MDN1: variants seen among roughly 807,000 people sequenced by gnomAD.
MDN1 encodes the protein midasin AAA ATPase 1, also known as midasin.
A neutral mutation model predicts 669.2 loss-of-function variants in MDN1; 266 were observed. That is an observed-to-expected ratio of 0.40 (90% CI 0.36 to 0.44). MDN1 has a LOEUF of 0.44. Ranked by LOEUF, MDN1 falls within the 20% of genes least tolerant of loss-of-function variation. The pLI is 1.00. For synonymous variants in MDN1, 2,385 were observed against 2,457.1 expected (o/e 0.97, Z 0.87); for missense variants, 5,940 against 6,754.0 (o/e 0.88, Z 4.22).
chr6:89,742,753 G>C (rs1445879872), intron 31 of MDN1, among the ~76,000 whole-genome samples: 4 of 152,130 alleles, frequency 2.6e-5, no homozygotes, highest in African/African-American at 9.7e-5. Flanking sequence ...AAAATATTAA[G>C]AGAGTAGGGA....
chr6:89,798,627 T>C (rs1259993453), intron 2 of MDN1, among the ~76,000 whole-genome samples: 1 of 152,150 alleles, frequency 6.6e-6, no homozygotes, highest in Non-Finnish European at 1.5e-5. Context: ...TAGCGCAAGC[T>C]AAAAATAAAC....
At chr6:89,661,070 T>A (rs561111100) in intron 88 of MDN1, among the ~76,000 whole-genome samples, 2 of 152,196 alleles carry the variant, frequency 1.3e-5, no homozygotes, top group Non-Finnish European at 2.9e-5. Context: ...ATAACTGGAC[T>A]CCACGACAGC....
intron 26 of MDN1, among the ~76,000 whole-genome samples, chr6:89,747,755 G>A (rs1816723271): frequency 1.3e-5 from 2 of 151,316 alleles, no homozygotes; most frequent in Admixed American, 1.3e-4. Flanking sequence ...GCCGGGCGTG[G>A]TGGCGGGTGC....
chr6:89,737,193 C>T (rs1049877082), intron 33 of MDN1, among the ~76,000 whole-genome samples: 2 of 152,034 alleles, frequency 1.3e-5, no homozygotes, highest in Non-Finnish European at 2.9e-5. Flanking sequence ...GGCAGTTCAC[C>T]GTGGGCCATT....
rs549016180 is a variant in MDN1, at chr6:89,653,066, T to C, written c.15751A>G (p.Asn5251Asp). 7 of 1,614,168 alleles carry C rather than the reference T, an allele frequency of 4.3e-6. No homozygotes were observed. Among genetic ancestry groups the C allele is most frequent in the Middle Eastern group, 1.6e-4 (1 of 6,062 alleles). Residue 5251 changes from asparagine (N) to aspartate (D), a missense_variant, in exon 94 of 102, where the codon AAT (asparagine) becomes GAT (aspartate). Asn to Asp is a conservative substitution (Grantham distance 23). This residue lies in a region of MDN1 where 2,280 missense variants were observed against 2,576.3 expected (regional missense o/e 0.88). Transcript: ENST00000369393. ...RTDKAHKETENEKPERSREST... is the reference protein window; with the variant it reads ...RTDKAHKETEDEKPERSREST... ...TCTCGGCTTCTTTCTGGTTTCTCAT[T>C]TTCTGTCTCCTTATGGGCTTTGTCT...
At chr6:89,743,341 C>G (rs1470138972) in intron 30 of MDN1, 61 bp from the exon 31 acceptor site, 1 of 1,596,270 alleles carries the variant, frequency 6.3e-7, no homozygotes, top group African/African-American at 1.3e-5. Flanking sequence ...AATATACATG[C>G]AGCTGGCTGG....
rs769943648 is a variant in MDN1, at chr6:89,672,599, C to A, written c.13578G>T (p.Lys4526Asn). 3 of 1,613,988 alleles carry A rather than the reference C, an allele frequency of 1.9e-6. No individual in the cohort carries two copies. The highest frequency in any genetic ancestry group is 2.5e-6 in the Non-Finnish European group (3 of 1,179,980). ...LCAIQNLEERKNEKAEENTDQ... is the reference protein window; with the variant it reads ...LCAIQNLEERNNEKAEENTDQ... ...CAGTGTTCTCCTCTGCTTTTTCATT[C>A]TTTCTTTCTTCTAAGTTCTGGATGG... The change falls in exon 81 of 102, where the codon AAG becomes AAT. Residue 4526 changes from lysine to asparagine, a missense_variant. Transcript: ENST00000369393.
chr6:89,690,682 C>G lies in MDN1; in HGVS notation c.10740G>C (p.Leu3580=), dbSNP rs757559222. Residue 3580 remains leucine (L), a synonymous_variant, in exon 64 of 102, where the codon CTG becomes CTC. Transcript: ENST00000369393. ...GCCATCACTGCTCTACCTTTTCATG[C>G]AGGGGGAACTGTTTTCTGAACTCCC... ...EEREFRKQFP[L]HEKDFADILV... The G allele has an allele frequency of 9.3e-6, 15 of 1,613,862 alleles. No homozygotes were observed. Among genetic ancestry groups the G allele is most frequent in the Non-Finnish European group, 1.2e-5 (14 of 1,179,970 alleles).
chr6:89,670,997 G>T lies in MDN1; in HGVS notation c.13878C>A (p.Thr4626=). 6 of 1,614,126 alleles carry T rather than the reference G, an allele frequency of 3.7e-6. No homozygotes were observed. The highest frequency in any genetic ancestry group is 5.1e-6 in the Non-Finnish European group (6 of 1,180,026). The change falls in exon 83 of 102, where the codon ACC becomes ACA. Residue 4626 remains threonine (T), a synonymous_variant. Coordinates refer to ENST00000369393, the MANE Select transcript of MDN1 (RefSeq NM_014611.3). The stretch of plus-strand genomic sequence containing the variant: ...TACTACGGTGAGTTGCTAAAGACAT[G>T]GTCAGGAAGAAGAGGACGAGGTCTG... ...SYSDLVLFFL[T]MSLATHRSTA... is the part of the protein sequence containing the mutation.
rs750140288 is a variant in MDN1, at chr6:89,803,453, G to A, written c.204C>T (p.Leu68=). ...CATTCCTTTCCAGCAAATCCAAAAGGAGAGGGCGAAGCTGGCGACCAACCA... is the reference window on the plus strand; with the variant it reads ...CATTCCTTTCCAGCAAATCCAAAAGAAGAGGGCGAAGCTGGCGACCAACCA... ...TVLVGRQLRP[L]LLDLLERNAE... The change falls in exon 2 of 102, where the codon CTC becomes CTT. Residue 68 remains leucine (L), a synonymous_variant. Coordinates refer to ENST00000369393, the MANE Select transcript of MDN1 (RefSeq NM_014611.3). 1 of 1,614,140 alleles carries A rather than the reference G, an allele frequency of 6.2e-7. No individual in the cohort carries two copies. The highest frequency in any genetic ancestry group is 8.5e-7 in the Non-Finnish European group (1 of 1,180,034).
At position 89,680,804 on chromosome 6, in the gene MDN1, C is replaced by G. The variant is rs1212088487; in HGVS notation, c.12103-53G>C. The G allele has an allele frequency of 3.2e-6, 5 of 1,572,102 alleles. No individual in the cohort carries two copies. In the African/African-American group the frequency reaches 5.4e-5, roughly 17 times the overall value. On this transcript the variant is annotated intron_variant, in intron 73 of 101. Coordinates refer to ENST00000369393, the MANE Select transcript of MDN1 (RefSeq NM_014611.3). ...ACTGCCAAGAATGACAGGCAGTGTC[C>G]CTGCAAGGGAACTAAATTTAACTGT...
chr6:89,782,759 T>C (rs1818747704), intron 9 of MDN1, among the ~76,000 whole-genome samples: 1 of 151,824 alleles, frequency 6.6e-6, no homozygotes, highest in African/African-American at 2.4e-5. Flanking sequence ...GCCAACATGG[T>C]GAAACCCTGT....
In MDN1 at chr6:89,683,165, C is replaced by T; in HGVS notation, c.12069G>A (p.Arg4023=). 1.2e-6 allele frequency: 2 copies of T among 1,614,106 alleles called. No homozygotes were observed. Among genetic ancestry groups the T allele is most frequent in the Non-Finnish European group, 1.7e-6 (2 of 1,180,026 alleles). ...CTGCTGGTTGGGCTAACAGGGTCTCCCTCAGTGCCCTGTTCAGATTCTGAA... is the reference window on the plus strand; with the variant it reads ...CTGCTGGTTGGGCTAACAGGGTCTCTCTCAGTGCCCTGTTCAGATTCTGAA... ...SSIQNLNRAL[R]ETLLAQPAAG... The change falls in exon 73 of 102, where the codon AGG becomes AGA. Residue 4023 remains arginine (R), a synonymous_variant. Coordinates refer to ENST00000369393, the MANE Select transcript of MDN1 (RefSeq NM_014611.3).
chr6:89,692,322 T>C, intron 63 of MDN1, 121 bp downstream of exon 63: 1 of 825,700 alleles, frequency 1.2e-6, no homozygotes, highest in South Asian at 2.0e-5. Context: ...GAAAACAAAA[T>C]GCCCACGCCC....
chr6:89,746,171 A>G (rs534744777), intron 27 of MDN1, among the ~76,000 whole-genome samples: 1 of 152,236 alleles, frequency 6.6e-6, no homozygotes, highest in Non-Finnish European at 1.5e-5. Flanking sequence ...TAGTAGTGAC[A>G]GTAGTCAGGG....
In MDN1 at chr6:89,695,822, C is replaced by T; in HGVS notation, c.9554G>A (p.Gly3185Asp). 1.2e-6 allele frequency: 2 copies of T among 1,613,842 alleles called. No homozygotes were observed. Among genetic ancestry groups the T allele is most frequent in the Non-Finnish European group, 1.7e-6 (2 of 1,180,032 alleles). Residue 3185 changes from glycine (G) to aspartate (D), a missense_variant, in exon 61 of 102, where the codon GGT becomes GAT. Transcript: ENST00000369393. This position sits in a 1 kb window ranked among gnomAD's most constrained non-coding sequence, Gnocchi z 4.1. ...CAGTTCCTTGGGCAGCACCTCCTGA[C>T]CAGCCATGTCCCCAAGTGTCTGGCC... ...HVGQTLGDMA[G>D]QEVLPKELLC... is the part of the protein sequence containing the mutation.
Position 89,780,221 on chromosome 6 carries a change from A to C in MDN1, c.1716T>G (p.Ile572Met). 6.4e-7 allele frequency: 1 copy of C among 1,563,824 alleles called. No individual in the cohort carries two copies. The highest frequency in any genetic ancestry group is 8.7e-7 in the Non-Finnish European group (1 of 1,154,668). The part of the protein sequence containing the change: ...DSSSLSASLN[I>M]FQEALDCFTA... ...GAAAACTATATCTTACCTCTTGAAA[A>C]ATATTTAATGATGCTGATAAAGATG... is the stretch of plus-strand genomic sequence containing the variant. The change falls in exon 11 of 102, where the codon ATT becomes ATG. Residue 572 changes from isoleucine (I) to methionine (M), a missense_variant. This residue lies in a region of MDN1 where 1,203 missense variants were observed against 1,268.9 expected (regional missense o/e 0.95). Coordinates refer to ENST00000369393, the MANE Select transcript of MDN1 (RefSeq NM_014611.3).
chr6:89,764,781 G>T (rs1040628249), intron 15 of MDN1, among the ~76,000 whole-genome samples: 1 of 152,170 alleles, frequency 6.6e-6, no homozygotes, highest in African/African-American at 2.4e-5. Context: ...GCAACACAGG[G>T]GAAGGTGAGA....
intron 72 of MDN1, 81 bp from the exon 73 acceptor site, chr6:89,683,411 A>C: frequency 9.1e-7 from 1 of 1,104,552 alleles, no homozygotes; most frequent in Non-Finnish European, 1.3e-6. Flanking sequence ...ATTATCATGC[A>C]TCCATACATA....
Sources: allele counts gnomAD v4.1 joint callset (sites outside exome capture counted in the v4.1 genomes callset), GRCh38; gene constraint gnomAD v4.1.1; regional missense constraint gnomAD v4.1.1; non-coding constraint Gnocchi (gnomAD v3.1); transcripts MANE v1.5; gene names NCBI Gene and HGNC (gene_info 2026-07-23, HGNC 2026-07-21).